Variants in CCDC171 observed in about 807,000 individuals in gnomAD.
CCDC171 encodes the protein coiled-coil domain-containing protein 171.
CCDC171 carries 177 observed loss-of-function variants against 168.2 expected under a neutral mutation model. That is an observed-to-expected ratio of 1.05 (90% confidence interval 0.93 to 1.19). The LOEUF (loss-of-function observed/expected upper bound fraction) is 1.19. Ranked by LOEUF, CCDC171 falls within the 50% of genes most tolerant of loss-of-function variation. The pLI, the probability that CCDC171 is intolerant of heterozygous loss-of-function variation, is 0.00. For synonymous variants in CCDC171, 687 were observed against 540.8 expected (o/e 1.27, Z -3.75); for missense variants, 1,991 against 1,539.0 (o/e 1.29, Z -4.91).
the CCDC171 span, among the ~76,000 whole-genome samples, chr9:16,103,386 T>C: frequency 6.6e-6 from 1 of 152,134 alleles, no homozygotes; most frequent in Non-Finnish European, 1.5e-5. Context: ...CACTTAACTT[T>C]CTGTGCTTTC....
In CCDC171 at chr9:15,721,837, A is replaced by G. The variant is rs748631639; in HGVS notation, c.1387A>G (p.Thr463Ala). Reference protein sequence around the residue: ...VVLERLRRTLTDYQNKLEDAS... With the variant: ...VVLERLRRTLADYQNKLEDAS... Reference sequence around the variant, plus strand: ...CCTTGAGAGATTGAGGCGTACCTTGACAGATTACCAGAACAAGCTGGAAGA... The same window carrying G: ...CCTTGAGAGATTGAGGCGTACCTTGGCAGATTACCAGAACAAGCTGGAAGA... The change falls in exon 12 of 26, where the codon ACA (threonine) becomes GCA (alanine). Residue 463 changes from threonine to alanine, a missense_variant. Physicochemically the swap from Thr to Ala is moderately conservative, Grantham distance 58. Transcript: ENST00000380701. 6.4e-7 allele frequency: 1 copy of G among 1,559,162 alleles called. No homozygotes were observed.
At chr9:15,715,413 A>T (rs1021265198) in intron 11 of CCDC171, among the ~76,000 whole-genome samples, 6 of 152,200 alleles carry the variant, frequency 3.9e-5, no homozygotes, top group Middle Eastern at 3.2e-3. Flanking sequence ...CTGCCAATAA[A>T]ATGTTTGTAT....
intron 11 of CCDC171, among the ~76,000 whole-genome samples, chr9:15,707,151 T>A (rs1042647999): frequency 6.6e-6 from 1 of 152,182 alleles, no homozygotes; most frequent in African/African-American, 2.4e-5. Context: ...ATTTGCAGAT[T>A]TTTTCTCTCT....
chr9:16,064,516 G>C (rs1054759814), downstream of CCDC171, among the ~76,000 whole-genome samples: 1 of 152,140 alleles, frequency 6.6e-6, no homozygotes, highest in African/African-American at 2.4e-5. Context: ...CTGACTCTGG[G>C]GTCCCATCTG....
rs1210686110 is a variant in CCDC171, at chr9:16,000,115, ATTC to A, written n.369-20470_369-20468del. 3.9e-5 allele frequency among the ~76,000 whole-genome samples: 6 copies of A among 152,292 alleles called. No homozygotes were observed. In the East Asian group the frequency reaches 9.6e-4, roughly 24 times the overall value. ...TGCTGTAGGCTTTGGGGGCAGGATA[ATTC>A]TTCATCATATGAGAGTCACATTGCA... On this transcript the variant is annotated intron_variant and non_coding_transcript_variant, in intron 3 of 9. Coordinates refer to the CCDC171 transcript ENST00000486641.
chr9:15,773,222 G>C (rs2135313585), intron 18 of CCDC171, among the ~76,000 whole-genome samples: 1 of 152,088 alleles, frequency 6.6e-6, no homozygotes. Context: ...TGTTTTCAAG[G>C]GACTTTTAAT....
chr9:15,587,786 C>T, intron 4 of CCDC171: 1 of 312,238 alleles, frequency 3.2e-6, no homozygotes, highest in Admixed American at 3.5e-5. Flanking sequence ...TATGAGGAAA[C>T]CCTTTAAAAT....
chr9:15,579,045 C>T (rs2131241691), intron 4 of CCDC171, 22 bp downstream of exon 4: 2 of 1,603,974 alleles, frequency 1.2e-6, no homozygotes, highest in East Asian at 2.2e-5. Flanking sequence ...TCTATTTCTT[C>T]CCAAGTTTAG....
At chr9:15,976,225 C>T (rs1295747016), downstream of CCDC171, among the ~76,000 whole-genome samples, 1 of 152,100 alleles carries the variant, frequency 6.6e-6, no homozygotes, top group Non-Finnish European at 1.5e-5. Context: ...CACCAGTAAA[C>T]GTTTAGTAAT....
intron 1 of CCDC171, among the ~76,000 whole-genome samples, chr9:16,050,040 C>T (rs1448504638): frequency 6.6e-6 from 1 of 152,200 alleles, no homozygotes; most frequent in Non-Finnish European, 1.5e-5. Context: ...GCGCATGCCA[C>T]CACACCTGGC....
chr9:15,734,054 C>T (rs369198414), intron 16 of CCDC171, among the ~76,000 whole-genome samples: 4 of 152,110 alleles, frequency 2.6e-5, no homozygotes, highest in Non-Finnish European at 5.9e-5. Flanking sequence ...TGATTACAAG[C>T]GTGAGCCACT....
chr9:15,774,885 A>C (rs7018872), intron 18 of CCDC171, among the ~76,000 whole-genome samples: 1 of 152,036 alleles, frequency 6.6e-6, no homozygotes, highest in African/African-American at 2.4e-5. Context: ...GTTCTCACTC[A>C]TATGTGGGAG....
chr9:15,798,422 C>CT (rs1297396679), intron 21 of CCDC171, among the ~76,000 whole-genome samples: 2 of 151,354 alleles, frequency 1.3e-5, no homozygotes, highest in Non-Finnish European at 1.5e-5. Context: ...TTATTATTTC[C>CT]TTTTTTTTAG....
chr9:16,095,010 C>T, the CCDC171 span, among the ~76,000 whole-genome samples: 1 of 152,176 alleles, frequency 6.6e-6, no homozygotes, highest in Non-Finnish European at 1.5e-5. Flanking sequence ...CTGCTCTGGC[C>T]ATGTGAGACG....
chr9:15,575,599 A>T (rs886519888), intron 3 of CCDC171, among the ~76,000 whole-genome samples: 1 of 152,164 alleles, frequency 6.6e-6, no homozygotes, highest in Non-Finnish European at 1.5e-5. Flanking sequence ...TGGAGTCCTC[A>T]GAGAAATCAG....
Position 15,728,044 on chromosome 9 carries a change from T to A in CCDC171, c.1860+8T>A. On this transcript the variant is annotated splice_region_variant and intron_variant, in intron 15 of 25. Transcript: ENST00000380701. ...AACAGGGCTAATGAGAAGGTAACTG[T>A]CCTCAGGCACCAGATACCTCTATTA... 1 of 1,603,056 alleles carries A rather than the reference T, an allele frequency of 6.2e-7. No homozygotes were observed. Among genetic ancestry groups the A allele is most frequent in the Non-Finnish European group, 8.5e-7 (1 of 1,173,664 alleles).
At chr9:15,996,352 C>T (rs1832372819) in intron 3 of CCDC171, among the ~76,000 whole-genome samples, 1 of 148,980 alleles carries the variant, frequency 6.7e-6, no homozygotes, top group African/African-American at 2.5e-5. Flanking sequence ...TATGGGCAGG[C>T]TTGCATGGGG....
chr9:15,712,238 A>C (rs1447727660), intron 11 of CCDC171, among the ~76,000 whole-genome samples: 3 of 152,258 alleles, frequency 2.0e-5, no homozygotes, highest in Non-Finnish European at 4.4e-5. Context: ...AGACATACCC[A>C]GAAATAGTGT....
chr9:16,102,738 C>T, the CCDC171 span, among the ~76,000 whole-genome samples: 2 of 152,108 alleles, frequency 1.3e-5, no homozygotes, highest in Non-Finnish European at 2.9e-5. Flanking sequence ...GCTCTTCGTC[C>T]CCCTGGCCTC....
Sources: gnomAD v4.1 joint callset for allele counts (sites outside exome capture counted in the v4.1 genomes callset) on GRCh38, gnomAD v4.1.1 for gene constraint, MANE v1.5 for transcripts, NCBI Gene and HGNC (gene_info 2026-07-23, HGNC 2026-07-21) for gene names.